Variants in RPS6KC1 observed in about 807,000 individuals in gnomAD.
RPS6KC1 encodes ribosomal protein S6 kinase C1.
Under a neutral mutation model 103.8 loss-of-function variants are expected in RPS6KC1, and 54 were observed. That is an observed-to-expected ratio of 0.52 (90% CI 0.42 to 0.65). The LOEUF (loss-of-function observed/expected upper bound fraction) is 0.65, where lower values mean the gene tolerates loss of function less well. Among genes scored for constraint, RPS6KC1 ranks in the 30% least tolerant of loss-of-function variants. The pLI is 0.00. For synonymous variants in RPS6KC1, 439 were observed against 438.7 expected, an observed-to-expected ratio of 1.00 and a Z score of -0.01; for missense variants, 1,151 against 1,253.8, an observed-to-expected ratio of 0.92 and a Z score of 1.24.
chr1:213,287,622 A>G, the RPS6KC1 span, among the ~76,000 whole-genome samples: 1 of 152,148 alleles, frequency 6.6e-6, no homozygotes, highest in East Asian at 1.9e-4. Flanking sequence ...TTCTTTCAAG[A>G]ACTTTATGGC....
the RPS6KC1 span, among the ~76,000 whole-genome samples, chr1:213,489,452 TG>T: frequency 6.6e-6 from 1 of 152,274 alleles, no homozygotes; most frequent in South Asian, 2.1e-4. Flanking sequence ...GATCTAAGAA[TG>T]GAAAGGGCTT....
the RPS6KC1 span, among the ~76,000 whole-genome samples, chr1:213,740,480 CTGTT>C: frequency 1.5e-4 from 23 of 152,050 alleles, 2 homozygotes; most frequent in African/African-American, 4.8e-5. Flanking sequence ...ACTAGACTCA[CTGTT>C]TGTTTGTTAA....
intron 6 of RPS6KC1, among the ~76,000 whole-genome samples, chr1:213,166,693 T>C (rs993061053): frequency 6.6e-6 from 1 of 152,140 alleles, no homozygotes; most frequent in Admixed American, 6.5e-5. Flanking sequence ...ATGTAAAAGG[T>C]GTGAAATGAA....
the RPS6KC1 span, chr1:213,832,700 A>G: frequency 6.6e-6 from 1 of 152,226 alleles, no homozygotes; most frequent in Non-Finnish European, 1.5e-5. Context: ...TCATTTCATT[A>G]GAGTGATTTA....
intron 8 of RPS6KC1, among the ~76,000 whole-genome samples, chr1:213,200,811 A>G (rs187604961): frequency 2.2e-3 from 339 of 152,294 alleles, no homozygotes; most frequent in African/African-American, 7.9e-3. Context: ...TGGGCAAAGG[A>G]CATGAACAGA....
intron 1 of RPS6KC1, among the ~76,000 whole-genome samples, chr1:213,067,112 A>ATGAAC (rs1369763156): frequency 6.6e-6 from 1 of 152,194 alleles, no homozygotes; most frequent in Admixed American, 6.5e-5. Flanking sequence ...GGACTGAACC[A>ATGAAC]GTGTACATCT....
At chr1:213,803,892 C>G in the RPS6KC1 span, among the ~76,000 whole-genome samples, 1 of 138,630 alleles carries the variant, frequency 7.2e-6, no homozygotes, top group Non-Finnish European at 1.5e-5. Flanking sequence ...TCATGGGGAT[C>G]TACAAAATGG....
the RPS6KC1 span, among the ~76,000 whole-genome samples, chr1:213,658,216 T>G: frequency 6.6e-6 from 1 of 152,216 alleles, no homozygotes; most frequent in South Asian, 2.1e-4. Context: ...ACCTGTATCA[T>G]CACATTATGT....
At chr1:213,503,110 C>CT in the RPS6KC1 span, among the ~76,000 whole-genome samples, 4 of 151,106 alleles carry the variant, frequency 2.6e-5, no homozygotes, top group African/African-American at 4.9e-5. Context: ...ACTTCACAAC[C>CT]TTTTTTTTTC....
At chr1:213,436,273 G>A in the RPS6KC1 span, among the ~76,000 whole-genome samples, 1 of 152,126 alleles carries the variant, frequency 6.6e-6, no homozygotes, top group African/African-American at 2.4e-5. Context: ...ACTGCATTTC[G>A]AGTGTTCAAT....
chr1:213,404,683 G>A, the RPS6KC1 span, among the ~76,000 whole-genome samples: 1 of 152,210 alleles, frequency 6.6e-6, no homozygotes, highest in Admixed American at 6.5e-5. Flanking sequence ...AGAGATCAGT[G>A]AGGACTGGGA....
At chr1:213,630,866 A>C in the RPS6KC1 span, among the ~76,000 whole-genome samples, 2 of 152,198 alleles carry the variant, frequency 1.3e-5, no homozygotes, top group Admixed American at 1.3e-4. Context: ...TCCTGGGTAT[A>C]AGCAGCGGAG....
Position 213,070,990 on chromosome 1 carries a change from G to A in RPS6KC1, c.106-16G>A, listed in dbSNP as rs1030635840. 5 of 1,478,242 alleles carry A rather than the reference G, an allele frequency of 3.4e-6. No individual in the cohort carries two copies. In the South Asian group the frequency reaches 3.7e-5, roughly 11 times the overall value. 91.6% of individuals were successfully genotyped at this position (1,478,242 alleles called of 1,614,324 possible). Reference sequence around the variant, plus strand: ...TTTGATAATGATTAGAGATTTCTATGTATGTTTTGTTTTAGGTTGTTTCAC... The same window carrying A: ...TTTGATAATGATTAGAGATTTCTATATATGTTTTGTTTTAGGTTGTTTCAC... On this transcript the variant is annotated splice_polypyrimidine_tract_variant and intron_variant, in intron 1 of 14. Coordinates refer to ENST00000366960, the MANE Select transcript of RPS6KC1 (RefSeq NM_012424.6).
the RPS6KC1 span, among the ~76,000 whole-genome samples, chr1:213,754,827 G>C: frequency 1.3e-5 from 2 of 152,168 alleles, no homozygotes; most frequent in Non-Finnish European, 2.9e-5. Context: ...TTCAACATAT[G>C]AATTTGAGGG....
chr1:213,396,919 C>G, the RPS6KC1 span, among the ~76,000 whole-genome samples: 1 of 152,190 alleles, frequency 6.6e-6, no homozygotes, highest in Non-Finnish European at 1.5e-5. Flanking sequence ...GCACAGGCTC[C>G]ACGATGGCCA....
chr1:213,814,925 T>C, the RPS6KC1 span, among the ~76,000 whole-genome samples: 1 of 152,192 alleles, frequency 6.6e-6, no homozygotes, highest in Non-Finnish European at 1.5e-5. Flanking sequence ...AGATTCTCCA[T>C]GAGTAATAAT....
At chr1:213,107,597 C>G (rs963324338) in intron 4 of RPS6KC1, among the ~76,000 whole-genome samples, 2 of 152,180 alleles carry the variant, frequency 1.3e-5, no homozygotes, top group Non-Finnish European at 2.9e-5. Context: ...GCTGTTATGA[C>G]TAATGCTGCT....
intron 6 of RPS6KC1, among the ~76,000 whole-genome samples, chr1:213,132,301 A>G (rs1263408074): frequency 6.6e-6 from 1 of 152,238 alleles, no homozygotes; most frequent in Non-Finnish European, 1.5e-5. Context: ...ACAATTCCAG[A>G]AGTTAATAAC....
chr1:213,320,901 C>T, the RPS6KC1 span, among the ~76,000 whole-genome samples: 1 of 152,160 alleles, frequency 6.6e-6, no homozygotes, highest in South Asian at 2.1e-4. Context: ...TCATTTCGGC[C>T]CCCTTTCCCC....
Sources: gnomAD v4.1 joint callset for allele counts (sites outside exome capture counted in the v4.1 genomes callset) on GRCh38, gnomAD v4.1.1 for gene constraint, MANE v1.5 for transcripts, NCBI Gene and HGNC (gene_info 2026-07-23, HGNC 2026-07-21) for gene names.